The following MALRD1 variants were observed in gnomAD, a reference collection of about 807,000 sequenced individuals.
The protein encoded by MALRD1 is MAM and LDL-receptor class A domain-containing protein 1.
A neutral mutation model predicts 242.1 loss-of-function variants in MALRD1; 247 were observed. The observed-to-expected ratio is 1.02, with a 90% CI of 0.92 to 1.13. MALRD1 has a LOEUF of 1.13. Among genes scored for constraint, MALRD1 ranks in the 50% most tolerant of loss-of-function variants. The pLI is 0.00. For synonymous variants in MALRD1, 995 were observed against 866.6 expected (o/e 1.15, Z -2.60); for missense variants, 2,989 against 2,533.1 (o/e 1.18, Z -3.86).
In MALRD1 at chr10:19,716,652, A is replaced by T. The variant is rs189537562; in HGVS notation, c.6315-14054A>T. On this transcript the variant is annotated intron_variant, in intron 38 of 39. Coordinates refer to ENST00000454679, the MANE Select transcript of MALRD1 (RefSeq NM_001142308.3). ...TTACTAGCTTTTGAGATAATTATTG[A>T]TACTTTTCTTTTACACCAAAGCTTT... The T allele has an allele frequency of 1.8e-4, 27 of 152,316 alleles. 1 individual carries two copies. The East Asian group carries it at 5.2e-3, about 29-fold the overall frequency. 9.4% of individuals were successfully genotyped at this position (152,316 alleles called of 1,614,324 possible).
chr10:19,325,563 C>G (rs1380612361), intron 22 of MALRD1, among the ~76,000 whole-genome samples: 2 of 151,942 alleles, frequency 1.3e-5, no homozygotes, highest in Non-Finnish European at 2.9e-5. Context: ...GCGTAGACAC[C>G]TCAGTTATAT....
intron 31 of MALRD1, among the ~76,000 whole-genome samples, chr10:19,528,859 C>G (rs1227874030): frequency 6.6e-6 from 1 of 152,132 alleles, no homozygotes; most frequent in African/African-American, 2.4e-5. Context: ...ACCACTACCC[C>G]CAACATTGGA....
chr10:19,339,689 A>G (rs1228950917), intron 24 of MALRD1, among the ~76,000 whole-genome samples: 2 of 152,200 alleles, frequency 1.3e-5, no homozygotes, highest in Non-Finnish European at 2.9e-5. Context: ...ATTGCCATTT[A>G]AAAACCATTT....
intron 21 of MALRD1, among the ~76,000 whole-genome samples, chr10:19,316,734 C>A (rs892433139): frequency 6.6e-6 from 1 of 151,652 alleles, no homozygotes; most frequent in Non-Finnish European, 1.5e-5. Flanking sequence ...CAGTTGAACT[C>A]ATGGAGATAC....
chr10:19,349,870 T>C (rs1027391370), intron 25 of MALRD1, among the ~76,000 whole-genome samples: 1 of 152,172 alleles, frequency 6.6e-6, no homozygotes, highest in African/African-American at 2.4e-5. Context: ...CTGTAGTAAC[T>C]AAGATTTCAT....
intron 2 of MALRD1, among the ~76,000 whole-genome samples, chr10:19,081,684 G>T (rs557192981): frequency 8.6e-5 from 13 of 151,968 alleles, no homozygotes; most frequent in South Asian, 4.1e-4. Flanking sequence ...CTGGGTGATG[G>T]ATTGATCTGT....
intron 33 of MALRD1, among the ~76,000 whole-genome samples, chr10:19,589,028 A>C (rs1352999580): frequency 6.6e-6 from 1 of 152,234 alleles, no homozygotes; most frequent in Non-Finnish European, 1.5e-5. Flanking sequence ...CACAATAAAG[A>C]CAAGGGTAAA....
intron 31 of MALRD1, among the ~76,000 whole-genome samples, chr10:19,520,116 T>C (rs145203590): frequency 1.1e-3 from 163 of 152,254 alleles, no homozygotes; most frequent in Middle Eastern, 3.4e-3. Context: ...GAAGAGGAAA[T>C]TGATGCACAG....
intron 36 of MALRD1, among the ~76,000 whole-genome samples, chr10:19,668,831 A>G (rs1390196677): frequency 1.3e-5 from 2 of 152,212 alleles, no homozygotes; most frequent in East Asian, 1.9e-4. Context: ...TTAAGGGTCA[A>G]TTCAGAGGGT....
rs1203108413 is a variant in MALRD1 at position 19,291,869 on chromosome 10, G to A, written c.3419+8688G>A. 2.0e-5 allele frequency among the ~76,000 whole-genome samples: 3 copies of A among 151,898 alleles called. No homozygotes were observed. The East Asian group carries it at 5.8e-4, about 29-fold the overall frequency. ...GGAGGCTGAGGCGGGTGGATCACTT[G>A]ATGTCAGGAGGTCAAGACCAGCTTG... is the stretch of plus-strand genomic sequence containing the variant. On this transcript the variant is annotated intron_variant, in intron 21 of 39. Transcript: ENST00000454679.
At chr10:19,459,856 T>G (rs1287885384) in intron 29 of MALRD1, among the ~76,000 whole-genome samples, 1 of 151,590 alleles carries the variant, frequency 6.6e-6, no homozygotes, top group African/African-American at 2.4e-5. Context: ...CTTGGTTCAT[T>G]TACATTATTA....
chr10:19,395,366 C>G (rs552171023), intron 28 of MALRD1, among the ~76,000 whole-genome samples: 2 of 152,208 alleles, frequency 1.3e-5, no homozygotes, highest in Admixed American at 6.5e-5. Context: ...GTAAGATAAA[C>G]ATTGGTTTGT....
chr10:19,325,170 T>C (rs2130901056), intron 22 of MALRD1, among the ~76,000 whole-genome samples: 1 of 152,028 alleles, frequency 6.6e-6, no homozygotes, highest in East Asian at 1.9e-4. Flanking sequence ...TTTATATCAA[T>C]GTGGACTCAT....
chr10:19,388,639 C>G (rs979040545), intron 27 of MALRD1, among the ~76,000 whole-genome samples: 4 of 152,054 alleles, frequency 2.6e-5, no homozygotes, highest in Non-Finnish European at 5.9e-5. Context: ...GAAAATTTAA[C>G]TTTAAAGCCA....
intron 31 of MALRD1, among the ~76,000 whole-genome samples, chr10:19,514,022 G>C (rs780590094): frequency 6.6e-6 from 1 of 152,050 alleles, no homozygotes; most frequent in Admixed American, 6.6e-5. Flanking sequence ...AGTCCTTTCC[G>C]TGAATCCCCT....
intron 38 of MALRD1, among the ~76,000 whole-genome samples, chr10:19,695,760 G>A (rs1261629689): frequency 6.6e-6 from 1 of 151,894 alleles, no homozygotes; most frequent in Non-Finnish European, 1.5e-5. Flanking sequence ...TCCTGACCTC[G>A]TAATCCACCT....
chr10:19,242,138 G>C lies in MALRD1; in HGVS notation c.2992-15546G>C, dbSNP rs1838814838. On this transcript the variant is annotated intron_variant, in intron 18 of 39. Transcript: ENST00000454679. Reference sequence around the variant, plus strand: ...GTTTAGTGGACTCATAGTTCCACTTGGCTGGGGAGGTCTCCCAATCGTGAT... The same window carrying C: ...GTTTAGTGGACTCATAGTTCCACTTCGCTGGGGAGGTCTCCCAATCGTGAT... Among the ~76,000 whole-genome samples the C allele has an allele frequency of 2.6e-5, 4 of 152,142 alleles. No homozygotes were observed. The South Asian group carries it at 8.3e-4, about 32-fold the overall frequency.
rs193115332 is a variant in MALRD1 at position 19,066,331 on chromosome 10, T to C, written c.200-388T>C. On this transcript the variant is annotated intron_variant, in intron 1 of 39. Coordinates refer to ENST00000454679, the MANE Select transcript of MALRD1 (RefSeq NM_001142308.3). ...AACTGCATTTTTGTATGTATTGTAT[T>C]ATAGATCTTCATAGCAATTGCTTGA... Among the ~76,000 whole-genome samples, 325 of 152,316 alleles carry C rather than the reference T, an allele frequency of 2.1e-3. 2 individuals carry two copies. Among genetic ancestry groups the C allele is most frequent in the Non-Finnish European group, 1.7e-3 (119 of 68,022 alleles).
intron 31 of MALRD1, among the ~76,000 whole-genome samples, chr10:19,518,070 A>G (rs1296589721): frequency 6.6e-6 from 1 of 152,214 alleles, no homozygotes; most frequent in Non-Finnish European, 1.5e-5. Context: ...CTGATTGGCT[A>G]TACTGCTAGG....
Sources: allele counts gnomAD v4.1 joint callset (sites outside exome capture counted in the v4.1 genomes callset), GRCh38; gene constraint gnomAD v4.1.1; transcripts MANE v1.5; gene names NCBI Gene and HGNC (gene_info 2026-07-23, HGNC 2026-07-21).